The following NOL4 variants were observed in gnomAD, a reference collection of about 807,000 sequenced individuals.
The protein encoded by NOL4 is cancer/testis antigen 125.
In NOL4, 17 loss-of-function variants were observed where a neutral mutation model predicts 75.9. The ratio of observed to expected loss-of-function variants is 0.22; its 90% CI spans 0.15 to 0.34. The LOEUF (loss-of-function observed/expected upper bound fraction) is 0.34, where lower values mean the gene tolerates loss of function less well. Ranked by LOEUF, NOL4 falls within the 10% of genes least tolerant of loss-of-function variation. The pLI, the probability that NOL4 is intolerant of heterozygous loss-of-function variation, is 1.00. For missense variants in NOL4, 614 were observed against 793.5 expected, an observed-to-expected ratio of 0.77 and a Z score of 2.72; for synonymous variants, 292 against 289.9, an observed-to-expected ratio of 1.01 and a Z score of -0.07.
chr18:34,071,475 T>C (rs879898202), intron 5 of NOL4, among the ~76,000 whole-genome samples: 14 of 111,684 alleles, frequency 1.3e-4, no homozygotes, highest in African/African-American at 4.5e-4. Flanking sequence ...ACACAGATGA[T>C]CCCTGACTTA....
intron 1 of NOL4, among the ~76,000 whole-genome samples, chr18:34,160,655 CA>C (rs773406189): frequency 4.6e-5 from 7 of 152,082 alleles, no homozygotes; most frequent in Non-Finnish European, 8.8e-5. Context: ...AATACTAAAA[CA>C]AATGATCTTT....
At chr18:33,935,071 G>T (rs935891993) in intron 9 of NOL4, among the ~76,000 whole-genome samples, 56 of 151,952 alleles carry the variant, frequency 3.7e-4, no homozygotes, top group African/African-American at 1.3e-3. Context: ...CACTATGTTC[G>T]CCAGGCTGGT....
intron 5 of NOL4, among the ~76,000 whole-genome samples, chr18:34,054,995 A>G (rs2076775297): frequency 6.7e-6 from 1 of 149,542 alleles, no homozygotes; most frequent in African/African-American, 2.4e-5. Context: ...ATAACATATT[A>G]AACAAATTAT....
chr18:33,988,843 G>A (rs753664473), intron 6 of NOL4, among the ~76,000 whole-genome samples: 2 of 151,798 alleles, frequency 1.3e-5, no homozygotes, highest in African/African-American at 4.8e-5. Context: ...CCTTTTCTGC[G>A]GGCAATGGAA....
At chr18:34,166,720 A>G (rs997637498) in intron 1 of NOL4, among the ~76,000 whole-genome samples, 6 of 152,028 alleles carry the variant, frequency 3.9e-5, no homozygotes, top group Non-Finnish European at 7.4e-5. Context: ...GATGAATAAT[A>G]TTTGGGAAAA....
intron 6 of NOL4, among the ~76,000 whole-genome samples, chr18:33,985,847 A>C (rs1335675759): frequency 6.6e-6 from 1 of 152,108 alleles, no homozygotes; most frequent in Non-Finnish European, 1.5e-5. Context: ...AATCTCTCTA[A>C]ATCTATTGCC....
chr18:34,143,367 A>T (rs1177593713), intron 1 of NOL4, among the ~76,000 whole-genome samples: 4 of 152,206 alleles, frequency 2.6e-5, no homozygotes, highest in African/African-American at 4.8e-5. Flanking sequence ...ACTTCATATA[A>T]GTGACCAATT....
At chr18:33,891,023 A>C (rs1183761968) in intron 9 of NOL4, among the ~76,000 whole-genome samples, 1 of 151,732 alleles carries the variant, frequency 6.6e-6, no homozygotes, top group Non-Finnish European at 1.5e-5. Flanking sequence ...TTGGAGAGCA[A>C]ACCTTTCTGT....
At chr18:33,893,481 C>T (rs2065217704) in intron 9 of NOL4, among the ~76,000 whole-genome samples, 1 of 152,118 alleles carries the variant, frequency 6.6e-6, no homozygotes, top group Non-Finnish European at 1.5e-5. Context: ...CTTTGATAGA[C>T]ATGTTATTTA....
chr18:33,972,914 G>C (rs973981054), intron 6 of NOL4, among the ~76,000 whole-genome samples: 1 of 152,182 alleles, frequency 6.6e-6, no homozygotes, highest in Non-Finnish European at 1.5e-5. Context: ...GTTGCTGACC[G>C]ATCAGCATGG....
Position 34,073,851 on chromosome 18 carries a change from C to T in NOL4, c.772+19614G>A, listed in dbSNP as rs530842894. Among the ~76,000 whole-genome samples the T allele has an allele frequency of 5.3e-5, 8 of 152,020 alleles. No individual in the cohort carries two copies. The East Asian group carries it at 1.3e-3, about 26-fold the overall frequency. On this transcript the variant is annotated intron_variant, in intron 5 of 10. Coordinates refer to ENST00000261592, the MANE Select transcript of NOL4 (RefSeq NM_003787.5). ...AGAAAAACTTTTATAGGAAAGAAGG[C>T]ATAGTCATCTATGGACAACACTTAC...
At chr18:34,078,209 A>T (rs946913797) in intron 5 of NOL4, among the ~76,000 whole-genome samples, 1 of 152,166 alleles carries the variant, frequency 6.6e-6, no homozygotes, top group Non-Finnish European at 1.5e-5. Flanking sequence ...TTAGAATGAA[A>T]TGAATGTTAG....
intron 6 of NOL4, among the ~76,000 whole-genome samples, chr18:33,999,096 T>C (rs2073500841): frequency 6.6e-6 from 1 of 152,032 alleles, no homozygotes; most frequent in Non-Finnish European, 1.5e-5. Flanking sequence ...TTCAGAGAAG[T>C]AGGTGTATTG....
intron 5 of NOL4, among the ~76,000 whole-genome samples, chr18:34,065,635 T>C (rs1339226255): frequency 6.6e-6 from 1 of 151,956 alleles, no homozygotes; most frequent in African/African-American, 2.4e-5. Context: ...GATTTCTCTG[T>C]CATTACATTA....
intron 1 of NOL4, among the ~76,000 whole-genome samples, chr18:34,170,404 C>T (rs1473246987): frequency 6.6e-6 from 1 of 151,888 alleles, no homozygotes; most frequent in Non-Finnish European, 1.5e-5. Context: ...GTTGGCCAGG[C>T]TGGTCTCAAA....
intron 5 of NOL4, among the ~76,000 whole-genome samples, chr18:34,087,194 T>C (rs2078282205): frequency 2.0e-5 from 3 of 152,144 alleles, no homozygotes; most frequent in Admixed American, 1.3e-4. Context: ...TGAATCTGTA[T>C]TTTTAAAATA....
intron 10 of NOL4, among the ~76,000 whole-genome samples, chr18:33,853,303 G>C (rs1206890437): frequency 6.6e-6 from 1 of 151,958 alleles, no homozygotes; most frequent in African/African-American, 2.4e-5. Flanking sequence ...AACTTTCTTG[G>C]AACATGTGTT....
chr18:34,139,530 T>G (rs2081050843), intron 1 of NOL4, among the ~76,000 whole-genome samples: 1 of 152,184 alleles, frequency 6.6e-6, no homozygotes, highest in Non-Finnish European at 1.5e-5. Context: ...GATCTCCCCT[T>G]TATCATTTTT....
intron 1 of NOL4, among the ~76,000 whole-genome samples, chr18:34,187,354 G>A (rs1248393487): frequency 7.1e-6 from 1 of 140,624 alleles, no homozygotes; most frequent in Non-Finnish European, 1.5e-5. Flanking sequence ...TCTTTTCATG[G>A]TTTAATAGTC....
Sources: allele counts gnomAD v4.1 joint callset (sites outside exome capture counted in the v4.1 genomes callset), GRCh38; gene constraint gnomAD v4.1.1; transcripts MANE v1.5; gene names NCBI Gene and HGNC (gene_info 2026-07-23, HGNC 2026-07-21).